Variants in PLEKHA8 observed in about 807,000 individuals in gnomAD.
The protein encoded by PLEKHA8 is pleckstrin homology domain containing A8, also known as pleckstrin homology domain-containing family A member 8.
Under a neutral mutation model 68.2 loss-of-function variants are expected in PLEKHA8, and 36 were observed. The ratio of observed to expected loss-of-function variants is 0.53; its 90% CI spans 0.40 to 0.70. The LOEUF (loss-of-function observed/expected upper bound fraction) is 0.70, where lower values mean the gene tolerates loss of function less well. Ranked by LOEUF, PLEKHA8 falls within the 30% of genes least tolerant of loss-of-function variation. PLEKHA8 has a pLI of 0.00. For synonymous variants in PLEKHA8, 211 were observed against 216.1 expected, an observed-to-expected ratio of 0.98 and a Z score of 0.20; for missense variants, 505 against 615.4, an observed-to-expected ratio of 0.82 and a Z score of 1.90.
At chr7:30,092,647 C>T (rs147522249), downstream of PLEKHA8, among the ~76,000 whole-genome samples, 2 of 152,254 alleles carry the variant, frequency 1.3e-5, no homozygotes, top group African/African-American at 2.4e-5. Context: ...TCCCCTTATT[C>T]GGAGCACACT....
At chr7:30,054,660 T>G (rs777090902) in intron 7 of PLEKHA8, 49 bp from the exon 8 acceptor site, 1 of 1,167,660 alleles carries the variant, frequency 8.6e-7, no homozygotes. Context: ...ATATGTATTT[T>G]TATAATAAAT....
At chr7:30,118,608 T>C (rs1324220879) in intron 13 of PLEKHA8, among the ~76,000 whole-genome samples, 1 of 151,388 alleles carries the variant, frequency 6.6e-6, no homozygotes, top group African/African-American at 2.4e-5. Flanking sequence ...GACGGAGTCT[T>C]GCTCTGTCGC....
At chr7:30,097,543 T>C (rs1442145309) in intron 13 of PLEKHA8, among the ~76,000 whole-genome samples, 1 of 152,232 alleles carries the variant, frequency 6.6e-6, no homozygotes, top group Non-Finnish European at 1.5e-5. Context: ...TTCTTTTTTC[T>C]CTAACCTTCT....
intron 1 of PLEKHA8, among the ~76,000 whole-genome samples, chr7:30,030,021 A>G (rs764840721): frequency 6.6e-6 from 1 of 152,186 alleles, no homozygotes; most frequent in Non-Finnish European, 1.5e-5. Flanking sequence ...AAGGACCTTC[A>G]GTGATGTCTG....
At chr7:30,126,865 A>G (rs1273583221) in intron 13 of PLEKHA8, among the ~76,000 whole-genome samples, 1 of 152,206 alleles carries the variant, frequency 6.6e-6, no homozygotes, top group South Asian at 2.1e-4. Flanking sequence ...TGTTTCAATT[A>G]TCTTCTACTA....
chr7:30,034,010 CTTTTTTTTTTTTTTTT>C (rs56796780), intron 1 of PLEKHA8, among the ~76,000 whole-genome samples: 29 of 34,662 alleles, frequency 8.4e-4, no homozygotes, highest in Admixed American at 2.1e-3. Context: ...TAAGAGGTTT[CTTTTTTTTTTTTTTTT>C]TTTTTTTTTT....
intron 13 of PLEKHA8, among the ~76,000 whole-genome samples, chr7:30,106,960 A>T (rs1376805707): frequency 6.6e-6 from 1 of 152,234 alleles, no homozygotes; most frequent in African/African-American, 2.4e-5. Flanking sequence ...TCCCCCACAG[A>T]TACCAGGGTT....
chr7:30,074,393 C>A (rs1482824478), intron 13 of PLEKHA8, among the ~76,000 whole-genome samples: 1 of 152,038 alleles, frequency 6.6e-6, no homozygotes, highest in Non-Finnish European at 1.5e-5. Flanking sequence ...TCTGGAATAG[C>A]AAAGACTGTT....
At position 30,074,143 on chromosome 7, in the gene PLEKHA8, C is replaced by T. The variant is rs746648509; in HGVS notation, c.1362+11C>T. 3.7e-6 allele frequency: 6 copies of T among 1,609,352 alleles called. No homozygotes were observed. In the African/African-American group the frequency reaches 8.0e-5, roughly 22 times the overall value. On this transcript the variant is annotated intron_variant, in intron 13 of 13. Transcript: ENST00000449726. Reference sequence around the variant, plus strand: ...CGAGGGGTTTTTGCGGTAAGTGATCCTTCTTGTCTCCTATTATTAACTGTA... The same window carrying T: ...CGAGGGGTTTTTGCGGTAAGTGATCTTTCTTGTCTCCTATTATTAACTGTA...
At chr7:30,115,248 G>C (rs904849320) in intron 13 of PLEKHA8, among the ~76,000 whole-genome samples, 1 of 152,202 alleles carries the variant, frequency 6.6e-6, no homozygotes, top group Middle Eastern at 3.4e-3. Context: ...AAGAAAGTTA[G>C]GAGTCTCATT....
intron 1 of PLEKHA8, among the ~76,000 whole-genome samples, chr7:30,033,766 C>T (rs181344851): frequency 6.6e-6 from 1 of 152,194 alleles, no homozygotes; most frequent in East Asian, 1.9e-4. Context: ...TTTACATTCT[C>T]GTCAGTAATC....
In PLEKHA8 at chr7:30,128,750, T is replaced by C. The variant is rs149025194; in HGVS notation, c.1363-516T>C. Among the ~76,000 whole-genome samples the C allele has an allele frequency of 8.3e-3, 1,261 of 152,320 alleles. 22 individuals are homozygous for C. Among genetic ancestry groups the C allele is most frequent in the African/African-American group, 0.028 (1,183 of 41,568 alleles). ...GAGAAGAGGTTTATTTGGCTCATTGTTCTGCAGGCTGTACAAGAAGCATGG... is the reference window on the plus strand; with the variant it reads ...GAGAAGAGGTTTATTTGGCTCATTGCTCTGCAGGCTGTACAAGAAGCATGG... On this transcript the variant is annotated intron_variant, in intron 13 of 13. Transcript: ENST00000396257.
intron 5 of PLEKHA8, 94 bp from the exon 6 acceptor site, chr7:30,050,340 T>C (rs1792306138): frequency 1.0e-5 from 15 of 1,452,716 alleles, no homozygotes; most frequent in Non-Finnish European, 1.4e-5. Flanking sequence ...TATGGTCATA[T>C]GGTCATATTT....
At chr7:30,093,226 T>C (rs1415865751), downstream of PLEKHA8, among the ~76,000 whole-genome samples, 2 of 152,230 alleles carry the variant, frequency 1.3e-5, no homozygotes, top group African/African-American at 4.8e-5. Context: ...CTTTTACTTC[T>C]TTCCTAAATA....
chr7:30,128,175 C>T (rs777672494), intron 13 of PLEKHA8, among the ~76,000 whole-genome samples: 12 of 150,934 alleles, frequency 8.0e-5, no homozygotes, highest in Non-Finnish European at 1.5e-4. Flanking sequence ...GGCATGATCA[C>T]GGCTCACTGC....
chr7:30,058,793 A>G (rs967525682), intron 9 of PLEKHA8, among the ~76,000 whole-genome samples: 2 of 152,204 alleles, frequency 1.3e-5, no homozygotes, highest in Non-Finnish European at 1.5e-5. Flanking sequence ...TTAAGATTAC[A>G]TTATATCTCT....
At chr7:30,055,079 T>G (rs560507371) in intron 8 of PLEKHA8, among the ~76,000 whole-genome samples, 178 bp from the exon 9 acceptor site, 1 of 152,328 alleles carries the variant, frequency 6.6e-6, no homozygotes, top group East Asian at 1.9e-4. Flanking sequence ...CTTGCTTTGG[T>G]GGATTATCTT....
At chr7:30,096,437 G>A (rs1160174821) in intron 13 of PLEKHA8, among the ~76,000 whole-genome samples, 1 of 151,984 alleles carries the variant, frequency 6.6e-6, no homozygotes, top group Admixed American at 6.6e-5. Context: ...GAGACGATGG[G>A]GTTTTCTAGA....
intron 6 of PLEKHA8, among the ~76,000 whole-genome samples, chr7:30,050,978 T>C (rs931535662): frequency 2.6e-5 from 4 of 152,198 alleles, no homozygotes; most frequent in African/African-American, 9.6e-5. Context: ...TAAATTACTA[T>C]AGCCTCAACA....
Sources: gnomAD v4.1 joint callset for allele counts (sites outside exome capture counted in the v4.1 genomes callset) on GRCh38, gnomAD v4.1.1 for gene constraint, MANE v1.5 for transcripts, NCBI Gene and HGNC (gene_info 2026-07-23, HGNC 2026-07-21) for gene names.